Variants in WNT7B observed in about 807,000 individuals in gnomAD.
The protein encoded by WNT7B is protein Wnt-7b.
WNT7B carries 19 observed loss-of-function variants against 38.2 expected under a neutral mutation model. The ratio of observed to expected loss-of-function variants is 0.50; its 90% CI spans 0.35 to 0.73. WNT7B has a LOEUF of 0.73. Among genes scored for constraint, WNT7B ranks in the 30% least tolerant of loss-of-function variants. WNT7B has a pLI of 0.01. For synonymous variants in WNT7B, 243 were observed against 209.3 expected, an observed-to-expected ratio of 1.16 and a Z score of -1.39; for missense variants, 423 against 507.9, an observed-to-expected ratio of 0.83 and a Z score of 1.61.
At chr22:45,939,402 A>T (rs1931588058) in intron 2 of WNT7B, among the ~76,000 whole-genome samples, 1 of 152,250 alleles carries the variant, frequency 6.6e-6, no homozygotes, top group South Asian at 2.1e-4. Context: ...CCATCAATGG[A>T]CGAAAGGATA....
chr22:45,941,260 G>A (rs866483696), intron 2 of WNT7B, among the ~76,000 whole-genome samples: 7 of 152,086 alleles, frequency 4.6e-5, no homozygotes, highest in East Asian at 1.9e-4. Flanking sequence ...CTGTAATCCC[G>A]GCACCTTGGG....
intron 1 of WNT7B, among the ~76,000 whole-genome samples, chr22:45,970,897 T>A (rs2146754524): frequency 6.6e-6 from 1 of 152,326 alleles, no homozygotes. Flanking sequence ...AGGCGATGCC[T>A]CCGCAGCCGG....
At chr22:45,972,310 C>T (rs1472710922) in intron 1 of WNT7B, 2 of 499,062 alleles carry the variant, frequency 4.0e-6, no homozygotes, top group African/African-American at 2.1e-5. Context: ...AGGCCGGGGT[C>T]CCCGCGGAGC....
chr22:45,929,673 C>T (rs111548148), intron 3 of WNT7B, among the ~76,000 whole-genome samples: 1,674 of 119,754 alleles, frequency 0.014, 39 homozygotes, highest in African/African-American at 0.053. Context: ...CCCGCCCATC[C>T]TTCCCTCCAT....
At chr22:45,932,287 C>G (rs1381854071) in intron 2 of WNT7B, among the ~76,000 whole-genome samples, 1 of 152,220 alleles carries the variant, frequency 6.6e-6, no homozygotes, top group Non-Finnish European at 1.5e-5. Context: ...TCAGTCCTTC[C>G]AGGCGCTGCT....
intron 1 of WNT7B, among the ~76,000 whole-genome samples, chr22:45,960,788 C>T (rs1171037069): frequency 6.6e-6 from 1 of 152,254 alleles, no homozygotes; most frequent in East Asian, 1.9e-4. Flanking sequence ...CGTACCCACC[C>T]AGGGCCGAGT....
intron 2 of WNT7B, among the ~76,000 whole-genome samples, chr22:45,939,111 G>A (rs1382976354): frequency 1.3e-5 from 2 of 152,248 alleles, no homozygotes; most frequent in Non-Finnish European, 2.9e-5. Context: ...AATACCAAGT[G>A]TTGGTGAGGA....
rs578036953 is a variant in WNT7B at position 45,943,051 on chromosome 22, CATGT to C, written c.298+6865_298+6868del. ...TGTGTGTGCGCGTGTGTGCAGCATGCATGTGTGTGCAGTGTGCACATGTGTGCAC... is the reference window on the plus strand; with the variant it reads ...TGTGTGTGCGCGTGTGTGCAGCATGCGTGTGCAGTGTGCACATGTGTGCAC... On this transcript the variant is annotated intron_variant, in intron 2 of 3. Coordinates refer to ENST00000339464, the MANE Select transcript of WNT7B (RefSeq NM_058238.3). Among the ~76,000 whole-genome samples the C allele has an allele frequency of 4.0e-3, 581 of 144,744 alleles. 6 individuals are homozygous for C. The highest frequency in any genetic ancestry group is 0.016 in the African/African-American group (545 of 34,926). The allele number at this position is 144,744 out of a possible 152,430, so 95.0% of individuals were successfully genotyped here.
At chr22:45,969,175 GCC>G (rs1932376133) in intron 1 of WNT7B, among the ~76,000 whole-genome samples, 1 of 152,186 alleles carries the variant, frequency 6.6e-6, no homozygotes, top group African/African-American at 2.4e-5. Flanking sequence ...CCGGGAAGAG[GCC>G]TGGCCTGGCG....
intron 1 of WNT7B, among the ~76,000 whole-genome samples, chr22:45,963,600 G>A (rs1932244559): frequency 6.6e-6 from 1 of 152,204 alleles, no homozygotes; most frequent in African/African-American, 2.4e-5. Flanking sequence ...CGTGGCAGTG[G>A]TTTGGTATCA....
intron 1 of WNT7B, among the ~76,000 whole-genome samples, chr22:45,964,426 C>G (rs527352931): frequency 2.0e-5 from 3 of 152,180 alleles, no homozygotes; most frequent in South Asian, 2.1e-4. Context: ...GCCAGCCCCC[C>G]CCAGGCTGAG....
In WNT7B at chr22:45,965,438, G is replaced by C. The variant is rs1189810839; in HGVS notation, c.71+11246C>G. Among the ~76,000 whole-genome samples, 1 of 152,208 alleles carries C rather than the reference G, an allele frequency of 6.6e-6. No homozygotes were observed. Among genetic ancestry groups the C allele is most frequent in the Admixed American group, 6.5e-5 (1 of 15,274 alleles). On this transcript the variant is annotated intron_variant, in intron 1 of 3. Transcript: ENST00000339464. The surrounding 1 kb of genome is among the most constrained non-coding windows in gnomAD (Gnocchi z 6.5). ...CTGCCGTCACGCTGTGGGCATGAAG[G>C]GAAAGTTCAGGGTGGTGGTGGAGCC...
At chr22:45,932,144 C>T (rs1358659458) in intron 2 of WNT7B, among the ~76,000 whole-genome samples, 1 of 152,110 alleles carries the variant, frequency 6.6e-6, no homozygotes, top group Non-Finnish European at 1.5e-5. Context: ...GGCCAGGTCC[C>T]TCGCTGGCAC....
At chr22:45,930,952 AC>A in intron 3 of WNT7B, 145 bp downstream of exon 3, 1 of 1,139,776 alleles carries the variant, frequency 8.8e-7, no homozygotes, top group Non-Finnish European at 1.2e-6. Context: ...AGAGCCATGC[AC>A]GTGGAGGACC....
At chr22:45,939,036 C>A (rs1931579143) in intron 2 of WNT7B, among the ~76,000 whole-genome samples, 1 of 152,226 alleles carries the variant, frequency 6.6e-6, no homozygotes, top group Non-Finnish European at 1.5e-5. Context: ...CAAGGAAATG[C>A]AAATCCAACC....
chr22:45,927,154 C>T lies in WNT7B; in HGVS notation c.571-3819G>A, dbSNP rs1052706196. On this transcript the variant is annotated intron_variant, in intron 3 of 3. Coordinates refer to ENST00000339464, the MANE Select transcript of WNT7B (RefSeq NM_058238.3). ...CATGGCCTCTGTCTGCCCTGCTGACCTGCCTGCCCCACGTAGCAGTGGGGA... is the reference window on the plus strand; with the variant it reads ...CATGGCCTCTGTCTGCCCTGCTGACTTGCCTGCCCCACGTAGCAGTGGGGA... 7.1e-6 allele frequency: 7 copies of T among 984,620 alleles called. No homozygotes were observed. The East Asian group carries it at 7.9e-4, about 112-fold the overall frequency. 61.0% of individuals were successfully genotyped at this position (984,620 alleles called of 1,614,324 possible).
At chr22:45,964,304 C>G (rs1361371085) in intron 1 of WNT7B, among the ~76,000 whole-genome samples, 1 of 152,128 alleles carries the variant, frequency 6.6e-6, no homozygotes, top group Non-Finnish European at 1.5e-5. Context: ...AAAGGTGTGC[C>G]CAACATGCGA....
At chr22:45,959,985 T>C (rs936092808) in intron 1 of WNT7B, among the ~76,000 whole-genome samples, 5 of 152,264 alleles carry the variant, frequency 3.3e-5, no homozygotes, top group African/African-American at 1.2e-4. Flanking sequence ...GCAGATAACA[T>C]GGACCTCTAT....
At chr22:45,937,155 A>G (rs1219617809) in intron 2 of WNT7B, among the ~76,000 whole-genome samples, 5 of 152,188 alleles carry the variant, frequency 3.3e-5, no homozygotes, top group African/African-American at 1.2e-4. Flanking sequence ...CCCAGCAAGG[A>G]GCCTGAGGCC....
Sources: gnomAD v4.1 joint callset for allele counts (sites outside exome capture counted in the v4.1 genomes callset) on GRCh38, gnomAD v4.1.1 for gene constraint, Gnocchi (gnomAD v3.1) non-coding constraint, MANE v1.5 for transcripts, NCBI Gene and HGNC (gene_info 2026-07-23, HGNC 2026-07-21) for gene names.